MYO3B: variants seen among roughly 807,000 people sequenced by gnomAD.
MYO3B encodes the protein myosin-IIIb.
Under a neutral mutation model 174.6 loss-of-function variants are expected in MYO3B, and 156 were observed. That is an observed-to-expected ratio of 0.89 (90% CI 0.78 to 1.02). The LOEUF (loss-of-function observed/expected upper bound fraction) is 1.02. MYO3B is among the 50% of genes least tolerant of loss of function. The probability of loss-of-function intolerance (pLI) is 0.00; values close to 1 mark genes in which losing one functional copy is unlikely to be tolerated. For synonymous variants in MYO3B, 563 were observed against 569.1 expected (o/e 0.99, Z 0.15); for missense variants, 1,632 against 1,639.4 (o/e 1.00, Z 0.08).
intron 32 of MYO3B, among the ~76,000 whole-genome samples, chr2:170,628,060 A>C (rs564459359): frequency 6.6e-6 from 1 of 151,850 alleles, no homozygotes; most frequent in South Asian, 2.1e-4. Flanking sequence ...GAGAACCACT[A>C]CTCTCTTCAA....
At chr2:170,623,034 C>T (rs1239312324) in intron 32 of MYO3B, among the ~76,000 whole-genome samples, 3 of 152,252 alleles carry the variant, frequency 2.0e-5, no homozygotes, top group South Asian at 2.1e-4. Context: ...AGTAAACATA[C>T]GTGTGCATGT....
chr2:170,391,561 G>A lies in MYO3B; in HGVS notation c.1619G>A (p.Gly540Asp), dbSNP rs755471752. 1.0e-5 allele frequency: 16 copies of A among 1,579,618 alleles called. No homozygotes were observed. In the Admixed American group the frequency reaches 2.1e-4, roughly 21 times the overall value. The change falls in exon 15 of 35, where the codon GGT becomes GAT. Residue 540 changes from glycine (G) to aspartate (D), a missense_variant. Physicochemically the swap from Gly to Asp is moderately conservative, Grantham distance 94. Transcript: ENST00000408978. ...CATATATTTTACTATATTTATGCTGGTCTTCATCACCAAAAGAAGCTTTCT... is the reference window on the plus strand; with the variant it reads ...CATATATTTTACTATATTTATGCTGATCTTCATCACCAAAAGAAGCTTTCT... ...NFHIFYYIYA[G>D]LHHQKKLSDF...
At chr2:170,236,235 G>A in intron 7 of MYO3B, 99 bp downstream of exon 7, 5 of 1,413,344 alleles carry the variant, frequency 3.5e-6, no homozygotes, top group East Asian at 5.0e-5. Flanking sequence ...CTCCAAACCT[G>A]ACAAAGCCTG....
chr2:170,523,775 C>T (rs890721617), intron 30 of MYO3B, among the ~76,000 whole-genome samples: 2 of 152,142 alleles, frequency 1.3e-5, no homozygotes, highest in Admixed American at 6.5e-5. Flanking sequence ...AAGACAGAAG[C>T]GGATGGAAAG....
intron 7 of MYO3B, among the ~76,000 whole-genome samples, chr2:170,246,223 A>G (rs1480040896): frequency 6.6e-6 from 1 of 152,160 alleles, no homozygotes; most frequent in Non-Finnish European, 1.5e-5. Context: ...TACCTTCCCA[A>G]TTCCCACCCC....
chr2:170,233,813 G>T (rs1409536319), intron 6 of MYO3B, among the ~76,000 whole-genome samples: 1 of 152,150 alleles, frequency 6.6e-6, no homozygotes, highest in Non-Finnish European at 1.5e-5. Context: ...ACTGTTTCTG[G>T]AAGAGAGCAG....
At chr2:170,266,125 CAAT>C (rs976672475) in intron 7 of MYO3B, among the ~76,000 whole-genome samples, 2 of 151,832 alleles carry the variant, frequency 1.3e-5, no homozygotes, top group African/African-American at 2.4e-5. Flanking sequence ...ATGGTAAATC[CAAT>C]AATAATTTTT....
intron 32 of MYO3B, among the ~76,000 whole-genome samples, chr2:170,568,954 A>G (rs1278401014): frequency 1.3e-5 from 2 of 152,206 alleles, no homozygotes; most frequent in Non-Finnish European, 2.9e-5. Context: ...TGTGTGTCCT[A>G]TTAGATAAGT....
intron 7 of MYO3B, among the ~76,000 whole-genome samples, chr2:170,272,153 C>T (rs770425012): frequency 7.3e-5 from 11 of 151,132 alleles, no homozygotes; most frequent in Non-Finnish European, 1.0e-4. Context: ...GTCTCTGAAC[C>T]GATAGCATCG....
intron 32 of MYO3B, among the ~76,000 whole-genome samples, chr2:170,637,494 G>C (rs906970501): frequency 6.6e-6 from 1 of 152,110 alleles, no homozygotes; most frequent in Non-Finnish European, 1.5e-5. Flanking sequence ...ATATTTAAAA[G>C]GGGTGGGGGC....
chr2:170,600,045 G>A (rs1278872761), intron 32 of MYO3B, among the ~76,000 whole-genome samples: 1 of 151,856 alleles, frequency 6.6e-6, no homozygotes, highest in African/African-American at 2.4e-5. Context: ...TGATGGCTCT[G>A]GGAAGGCACT....
intron 3 of MYO3B, among the ~76,000 whole-genome samples, chr2:170,201,504 C>T (rs1164309682): frequency 6.6e-6 from 1 of 152,168 alleles, no homozygotes; most frequent in Non-Finnish European, 1.5e-5. Context: ...GTACTGGCTG[C>T]CATGGCAACC....
At chr2:170,524,911 C>A (rs1275337292) in intron 30 of MYO3B, among the ~76,000 whole-genome samples, 1 of 152,152 alleles carries the variant, frequency 6.6e-6, no homozygotes. Context: ...GTGACAGAAT[C>A]AGGATTTGAA....
chr2:170,609,047 T>C (rs1418826314), intron 32 of MYO3B, among the ~76,000 whole-genome samples: 2 of 152,226 alleles, frequency 1.3e-5, no homozygotes, highest in African/African-American at 4.8e-5. Flanking sequence ...TGAGATGGGA[T>C]GATGAGTTCC....
intron 32 of MYO3B, among the ~76,000 whole-genome samples, chr2:170,575,144 G>C (rs1009344910): frequency 5.9e-5 from 9 of 151,972 alleles, no homozygotes; most frequent in Admixed American, 3.3e-4. Context: ...AGAATATTTG[G>C]GTTTTATTGT....
chr2:170,199,051 G>T (rs73025174), intron 1 of MYO3B, among the ~76,000 whole-genome samples, 157 bp from the exon 2 acceptor site: 9,398 of 152,112 alleles, frequency 0.062, 692 homozygotes, highest in East Asian at 0.3. Flanking sequence ...CTTAAGGAGG[G>T]TCCAAGTTCT....
chr2:170,648,669 C>CAA (rs1698573484), intron 32 of MYO3B, among the ~76,000 whole-genome samples: 1 of 99,838 alleles, frequency 1.0e-5, no homozygotes, highest in Non-Finnish European at 2.0e-5. Flanking sequence ...ATATTATATT[C>CAA]TATATAATAT....
chr2:170,403,919 G>C (rs917752446), intron 19 of MYO3B, among the ~76,000 whole-genome samples: 1 of 151,858 alleles, frequency 6.6e-6, no homozygotes, highest in African/African-American at 2.4e-5. Context: ...CTGTTTTCTT[G>C]GTTTAAACAA....
intron 7 of MYO3B, among the ~76,000 whole-genome samples, chr2:170,294,296 T>G (rs929614764): frequency 6.6e-6 from 1 of 151,496 alleles, no homozygotes; most frequent in Non-Finnish European, 1.5e-5. Context: ...CAATTTTTGG[T>G]TTTTCCCCTC....
Sources: gnomAD v4.1 joint callset for allele counts (sites outside exome capture counted in the v4.1 genomes callset) on GRCh38, gnomAD v4.1.1 for gene constraint, MANE v1.5 for transcripts, NCBI Gene and HGNC (gene_info 2026-07-23, HGNC 2026-07-21) for gene names.